Variants in SPMIP6 observed in about 807,000 individuals in gnomAD.
The protein encoded by SPMIP6 is ciliated bronchial epithelial protein 1.
chr9:34,379,657 A>C, the SPMIP6 span: 5 of 1,613,998 alleles, frequency 3.1e-6, no homozygotes, highest in Non-Finnish European at 4.2e-6. This position sits in a 1 kb window ranked among gnomAD's most constrained non-coding sequence, Gnocchi z 4.2. Flanking sequence ...TAAGGTTCGG[A>C]TATGGGTAGT....
the SPMIP6 span, chr9:34,380,939 T>C: frequency 6.3e-7 from 1 of 1,598,926 alleles, no homozygotes. Flanking sequence ...CAGGCGGCGG[T>C]CGGTGCAGGG....
chr9:34,381,735 T>A, the SPMIP6 span: 1 of 1,323,772 alleles, frequency 7.6e-7, no homozygotes, highest in Non-Finnish European at 9.7e-7. This position sits in a 1 kb window ranked among gnomAD's most constrained non-coding sequence, Gnocchi z 4.4. Flanking sequence ...TTTGTCTAGC[T>A]GACTCTGTTT....
At chr9:34,383,385 T>C in the SPMIP6 span, among the ~76,000 whole-genome samples, 2 of 152,152 alleles carry the variant, frequency 1.3e-5, no homozygotes, top group Admixed American at 1.3e-4. Context: ...TAGTTGGGCA[T>C]GGTTGGTGTG....
the SPMIP6 span, chr9:34,380,642 T>G: frequency 1.3e-6 from 2 of 1,525,312 alleles, no homozygotes; most frequent in Non-Finnish European, 1.8e-6. Flanking sequence ...GAGGCCAGGT[T>G]GACCTTGAGC....
chr9:34,380,450 G>A, the SPMIP6 span, among the ~76,000 whole-genome samples: 1 of 152,194 alleles, frequency 6.6e-6, no homozygotes, highest in African/African-American at 2.4e-5. Flanking sequence ...ACGGTGACGG[G>A]GGACCAGCAA....
the SPMIP6 span, among the ~76,000 whole-genome samples, chr9:34,387,107 A>T: frequency 6.6e-6 from 1 of 151,292 alleles, no homozygotes; most frequent in South Asian, 2.1e-4. Context: ...TCATGGCTGA[A>T]GCCCTAACCT....
the SPMIP6 span, chr9:34,397,499 C>T: frequency 9.3e-6 from 15 of 1,613,988 alleles, no homozygotes; most frequent in Middle Eastern, 1.6e-4. Flanking sequence ...TCCCACTTAC[C>T]GGAGTCAGAA....
chr9:34,393,781 G>C, the SPMIP6 span, among the ~76,000 whole-genome samples: 4 of 151,760 alleles, frequency 2.6e-5, no homozygotes, highest in African/African-American at 9.7e-5. Flanking sequence ...TTGTCTCTCT[G>C]TGCTGCGTTC....
At chr9:34,397,639 G>A in the SPMIP6 span, 1 of 1,588,656 alleles carries the variant, frequency 6.3e-7, no homozygotes, top group Non-Finnish European at 8.6e-7. Context: ...AACATGGTGT[G>A]GTCTTGGAGA....
At chr9:34,395,550 T>G in the SPMIP6 span, among the ~76,000 whole-genome samples, 2 of 152,232 alleles carry the variant, frequency 1.3e-5, no homozygotes, top group African/African-American at 2.4e-5. Flanking sequence ...TTCTCTCTCT[T>G]CTTTGGCAAT....
the SPMIP6 span, among the ~76,000 whole-genome samples, chr9:34,395,479 CT>C: frequency 6.6e-6 from 1 of 152,102 alleles, no homozygotes; most frequent in Non-Finnish European, 1.5e-5. Flanking sequence ...TCTTTTATGG[CT>C]TTTTTTCCTT....
the SPMIP6 span, among the ~76,000 whole-genome samples, chr9:34,392,286 A>T: frequency 6.6e-6 from 1 of 151,818 alleles, no homozygotes; most frequent in Non-Finnish European, 1.5e-5. The surrounding 1 kb of genome is among the most constrained non-coding windows in gnomAD (Gnocchi z 4.6). Context: ...CTGGTCCTAA[A>T]CTCCTGGGCT....
the SPMIP6 span, among the ~76,000 whole-genome samples, chr9:34,383,570 A>G: frequency 2.6e-5 from 4 of 152,210 alleles, no homozygotes; most frequent in African/African-American, 7.2e-5. Context: ...CCAGTGCCCC[A>G]TGATCTCACT....
chr9:34,380,567 G>T, the SPMIP6 span: 1 of 1,340,466 alleles, frequency 7.5e-7, no homozygotes, highest in Non-Finnish European at 9.8e-7. Flanking sequence ...GGGGGAAGAG[G>T]ATGCGACTGA....
chr9:34,381,489 C>A, the SPMIP6 span: 1 of 1,613,452 alleles, frequency 6.2e-7, no homozygotes. The surrounding 1 kb of genome is among the most constrained non-coding windows in gnomAD (Gnocchi z 4.4). Flanking sequence ...CCTGGCAGAG[C>A]TGCTCCCTTT....
chr9:34,381,441 C>T, the SPMIP6 span: 1 of 1,614,090 alleles, frequency 6.2e-7, no homozygotes, highest in East Asian at 2.2e-5. This position sits in a 1 kb window ranked among gnomAD's most constrained non-coding sequence, Gnocchi z 4.4. Context: ...TCCATCCTGG[C>T]CTCCTGGAAG....
At chr9:34,397,443 G>T in the SPMIP6 span, 3 of 1,548,890 alleles carry the variant, frequency 1.9e-6, no homozygotes, top group Admixed American at 1.7e-5. Flanking sequence ...ACATTGCCAG[G>T]CATCCAGACT....
At chr9:34,384,039 AAC>A in the SPMIP6 span, among the ~76,000 whole-genome samples, 6 of 152,164 alleles carry the variant, frequency 3.9e-5, no homozygotes, top group African/African-American at 7.2e-5. Flanking sequence ...TCCATGATCC[AAC>A]AGTCTGAAAG....
chr9:34,397,357 A>C, the SPMIP6 span: 2 of 910,996 alleles, frequency 2.2e-6, no homozygotes, highest in Non-Finnish European at 3.5e-6. Flanking sequence ...GCTGTTTTAC[A>C]TACCATTGTA....
Sources: gnomAD v4.1 joint callset for allele counts (sites outside exome capture counted in the v4.1 genomes callset) on GRCh38, gnomAD v4.1.1 for gene constraint, Gnocchi (gnomAD v3.1) non-coding constraint, MANE v1.5 for transcripts, NCBI Gene and HGNC (gene_info 2026-07-23, HGNC 2026-07-21) for gene names.